The following ARL15 variants were observed in gnomAD, a reference collection of about 807,000 sequenced individuals.
ARL15 encodes ARF like GTPase 15, also known as ADP-ribosylation factor-like protein 15.
ARL15 carries 19 observed loss-of-function variants against 25.2 expected under a neutral mutation model. The ratio of observed to expected loss-of-function variants is 0.75; its 90% CI spans 0.53 to 1.10. The LOEUF is 1.10. ARL15 is among the 50% of genes least tolerant of loss of function. ARL15 has a pLI of 0.00. For synonymous variants in ARL15, 94 were observed against 86.8 expected (o/e 1.08, Z -0.46); for missense variants, 220 against 246.0 (o/e 0.89, Z 0.71).
At chr5:54,243,344 A>G (rs183911933) in intron 1 of ARL15, among the ~76,000 whole-genome samples, 107 of 152,338 alleles carry the variant, frequency 7.0e-4, no homozygotes, top group African/African-American at 2.3e-3. Flanking sequence ...TGTTATTTGT[A>G]TAAATATAAC....
intron 4 of ARL15, among the ~76,000 whole-genome samples, chr5:54,030,012 T>A (rs1642642294): frequency 6.6e-6 from 1 of 151,550 alleles, no homozygotes; most frequent in African/African-American, 2.4e-5. Flanking sequence ...AATAAATAAA[T>A]AAAATAAAAA....
chr5:53,966,286 T>G (rs1747561742), intron 4 of ARL15, among the ~76,000 whole-genome samples: 1 of 152,166 alleles, frequency 6.6e-6, no homozygotes. Flanking sequence ...GCTCAACATG[T>G]GGAGGTTCCC....
chr5:53,897,510 G>C (rs913666790), intron 4 of ARL15, among the ~76,000 whole-genome samples: 2 of 152,056 alleles, frequency 1.3e-5, no homozygotes, highest in African/African-American at 4.8e-5. Flanking sequence ...CTACTTTTTG[G>C]CTATTATAAA....
chr5:54,275,584 A>T (rs1209349106), intron 1 of ARL15, among the ~76,000 whole-genome samples: 1 of 152,220 alleles, frequency 6.6e-6, no homozygotes, highest in Non-Finnish European at 1.5e-5. Context: ...CAATGGAAGA[A>T]CAACAAGCTA....
At chr5:53,956,640 G>A (rs1424371738) in intron 4 of ARL15, among the ~76,000 whole-genome samples, 2 of 151,694 alleles carry the variant, frequency 1.3e-5, no homozygotes, top group African/African-American at 4.8e-5. Context: ...TCAGGAGAAT[G>A]ATACATGAAC....
chr5:54,232,766 A>G (rs1316040908), intron 1 of ARL15, among the ~76,000 whole-genome samples: 3 of 152,096 alleles, frequency 2.0e-5, no homozygotes, highest in Non-Finnish European at 4.4e-5. Context: ...TTCCCACAAG[A>G]GCCATCAATT....
chr5:54,038,766 C>T (rs1202769271), intron 4 of ARL15, among the ~76,000 whole-genome samples: 1 of 151,912 alleles, frequency 6.6e-6, no homozygotes, highest in Non-Finnish European at 1.5e-5. Context: ...AAATAAGGGA[C>T]AATCAAATAC....
chr5:54,210,596 A>G (rs1337238159), intron 1 of ARL15, among the ~76,000 whole-genome samples: 1 of 152,234 alleles, frequency 6.6e-6, no homozygotes, highest in Non-Finnish European at 1.5e-5. Flanking sequence ...ACTGTACATG[A>G]CAAATCCTTT....
chr5:53,995,461 C>T (rs796390994), intron 4 of ARL15, among the ~76,000 whole-genome samples: 9 of 151,896 alleles, frequency 5.9e-5, no homozygotes, highest in African/African-American at 2.2e-4. Flanking sequence ...ATGTATAAAA[C>T]AGAAATATGT....
At chr5:54,138,250 G>A (rs916850395) in intron 3 of ARL15, among the ~76,000 whole-genome samples, 1 of 152,066 alleles carries the variant, frequency 6.6e-6, no homozygotes, top group Admixed American at 6.5e-5. Context: ...GGCCAAGGTG[G>A]GAGAATCACT....
chr5:53,927,931 T>C (rs1422609009), intron 4 of ARL15, among the ~76,000 whole-genome samples: 1 of 152,204 alleles, frequency 6.6e-6, no homozygotes, highest in Non-Finnish European at 1.5e-5. Context: ...GGGCTTCATC[T>C]TCCTCATCTG....
At chr5:54,250,016 G>A (rs1392239905) in intron 1 of ARL15, among the ~76,000 whole-genome samples, 1 of 152,138 alleles carries the variant, frequency 6.6e-6, no homozygotes, top group African/African-American at 2.4e-5. Context: ...TAAGAAAAGA[G>A]GTTTAATTGG....
At chr5:54,205,967 ATTC>A (rs966833620) in intron 1 of ARL15, among the ~76,000 whole-genome samples, 23 of 152,134 alleles carry the variant, frequency 1.5e-4, no homozygotes, top group African/African-American at 5.1e-4. Flanking sequence ...CTTCCCCCTT[ATTC>A]TTCTTCTGGT....
At chr5:53,993,994 G>A (rs1158832487) in intron 4 of ARL15, among the ~76,000 whole-genome samples, 3 of 152,164 alleles carry the variant, frequency 2.0e-5, no homozygotes, top group African/African-American at 7.2e-5. Context: ...ACTATGGCAA[G>A]TAAGTTCATG....
intron 4 of ARL15, among the ~76,000 whole-genome samples, chr5:54,003,110 A>G (rs2111732610): frequency 6.6e-6 from 1 of 152,324 alleles, no homozygotes; most frequent in East Asian, 1.9e-4. Context: ...TGGGCTTCAA[A>G]ATATATTCTG....
chr5:53,886,142 T>C lies in ARL15; in HGVS notation c.*419A>G, dbSNP rs1744519388. On this transcript the variant is annotated 3_prime_UTR_variant, in exon 5 of 5. Transcript: ENST00000504924. ...GGTCTTGAAAATAATATAAATATTT[T>C]GTGGAGTCCCAGTCACATAATACTC... is the stretch of plus-strand genomic sequence containing the variant. 1.3e-5 allele frequency: 2 copies of C among 152,680 alleles called. No homozygotes were observed. The highest frequency in any genetic ancestry group is 4.8e-5 in the African/African-American group (2 of 41,426). 9.5% of individuals were successfully genotyped at this position (152,680 alleles called of 1,614,324 possible).
chr5:54,246,946 G>A lies in ARL15; in HGVS notation c.48+63486C>T, dbSNP rs185458335. Among the ~76,000 whole-genome samples the A allele has an allele frequency of 1.3e-3, 193 of 151,916 alleles. 1 individual carries two copies. The highest frequency in any genetic ancestry group is 4.5e-3 in the African/African-American group (186 of 41,416). On this transcript the variant is annotated intron_variant, in intron 1 of 4. Coordinates refer to ENST00000504924, the MANE Select transcript of ARL15 (RefSeq NM_019087.3). ...TGTCTAAAAAGCCCAGGATGGTCGG[G>A]GAAGCATAATGATGAAAAGGTTGAG...
chr5:54,223,257 T>TA (rs1181792246), intron 1 of ARL15, among the ~76,000 whole-genome samples: 1 of 151,988 alleles, frequency 6.6e-6, no homozygotes, highest in African/African-American at 2.4e-5. Flanking sequence ...TTACATCATG[T>TA]AAAAAAATTA....
chr5:54,066,519 A>G (rs1307292698), intron 4 of ARL15, among the ~76,000 whole-genome samples: 1 of 152,200 alleles, frequency 6.6e-6, no homozygotes, highest in Non-Finnish European at 1.5e-5. Context: ...GAAGACTGAC[A>G]GGGACATTCA....
Sources: gnomAD v4.1 joint callset for allele counts (sites outside exome capture counted in the v4.1 genomes callset) on GRCh38, gnomAD v4.1.1 for gene constraint, MANE v1.5 for transcripts, NCBI Gene and HGNC (gene_info 2026-07-23, HGNC 2026-07-21) for gene names.